COL24A1: variants seen among roughly 807,000 people sequenced by gnomAD.
COL24A1 encodes collagen type XXIV alpha 1 chain.
COL24A1 carries 224 observed loss-of-function variants against 253.9 expected under a neutral mutation model. The ratio of observed to expected loss-of-function variants is 0.88; its 90% CI spans 0.79 to 0.99. COL24A1 has a LOEUF of 0.99. COL24A1 is among the 50% of genes least tolerant of loss of function. COL24A1 has a pLI of 0.00. For synonymous variants in COL24A1, 685 were observed against 673.7 expected (o/e 1.02, Z -0.26); for missense variants, 2,131 against 2,068.5 (o/e 1.03, Z -0.59).
intron 24 of COL24A1, among the ~76,000 whole-genome samples, chr1:85,945,704 T>C (rs1487796550): frequency 6.7e-6 from 1 of 150,066 alleles, no homozygotes; most frequent in Non-Finnish European, 1.5e-5. Flanking sequence ...TTCTGGATTT[T>C]AAGAGTGAGA....
At chr1:86,011,525 A>G (rs1384493848) in intron 19 of COL24A1, among the ~76,000 whole-genome samples, 1 of 152,118 alleles carries the variant, frequency 6.6e-6, no homozygotes, top group Non-Finnish European at 1.5e-5. Flanking sequence ...TGGTACTATA[A>G]AACTTGTGCT....
chr1:86,007,105 C>T (rs1042704709), intron 19 of COL24A1, among the ~76,000 whole-genome samples: 1 of 152,052 alleles, frequency 6.6e-6, no homozygotes, highest in Non-Finnish European at 1.5e-5. Context: ...GTCCTCCCTA[C>T]TCAGGCGGCT....
intron 56 of COL24A1, among the ~76,000 whole-genome samples, 194 bp downstream of exon 56, chr1:85,745,246 CA>C (rs1557967876): frequency 1.3e-5 from 2 of 152,034 alleles, no homozygotes; most frequent in African/African-American, 4.8e-5. Flanking sequence ...GTTTTCCTTA[CA>C]AAACATCCTA....
chr1:85,986,417 C>A (rs1048516960), intron 20 of COL24A1, among the ~76,000 whole-genome samples: 1 of 151,838 alleles, frequency 6.6e-6, no homozygotes, highest in South Asian at 2.1e-4. Flanking sequence ...ATTGAAGATA[C>A]TTTACTACTC....
At position 85,809,064 on chromosome 1, in the gene COL24A1, A is replaced by G. The variant is rs185972236; in HGVS notation, c.3951+7724T>C. On this transcript the variant is annotated intron_variant, in intron 47 of 59. Transcript: ENST00000370571. Reference sequence around the variant, plus strand: ...TGGAGTCAGTCAGAAAGGTATCTCAAAAAACCCAATCTTATGTTCTACAAT... The same window carrying G: ...TGGAGTCAGTCAGAAAGGTATCTCAGAAAACCCAATCTTATGTTCTACAAT... Among the ~76,000 whole-genome samples the G allele has an allele frequency of 1.8e-4, 27 of 152,322 alleles. No homozygotes were observed. In the East Asian group the frequency reaches 3.9e-3, roughly 22 times the overall value.
chr1:85,916,320 T>A (rs1685893123), intron 24 of COL24A1, among the ~76,000 whole-genome samples: 1 of 152,188 alleles, frequency 6.6e-6, no homozygotes, highest in Admixed American at 6.5e-5. Flanking sequence ...TTTTACTTCA[T>A]GTAAGTATTA....
intron 1 of COL24A1, among the ~76,000 whole-genome samples, chr1:86,147,800 A>G (rs527413097): frequency 6.6e-6 from 1 of 152,358 alleles, no homozygotes; most frequent in East Asian, 1.9e-4. Context: ...AATTGATTTT[A>G]CTTTTGCTTA....
chr1:86,044,664 C>T (rs1238337371), intron 12 of COL24A1, among the ~76,000 whole-genome samples: 1 of 152,102 alleles, frequency 6.6e-6, no homozygotes, highest in Non-Finnish European at 1.5e-5. Context: ...TTCTTAAACT[C>T]CTTTTTTAAA....
intron 24 of COL24A1, among the ~76,000 whole-genome samples, chr1:85,937,110 C>T (rs534743908): frequency 2.7e-5 from 4 of 147,546 alleles, no homozygotes; most frequent in Non-Finnish European, 4.5e-5. Context: ...GGATCCCTTA[C>T]GACCAGCTGT....
chr1:85,871,463 T>C (rs1414533633), intron 35 of COL24A1, among the ~76,000 whole-genome samples: 4 of 152,092 alleles, frequency 2.6e-5, no homozygotes, highest in Non-Finnish European at 5.9e-5. Context: ...TACTAGCAAA[T>C]TAAATCCAGC....
chr1:85,854,076 C>A (rs1405105335), intron 37 of COL24A1, among the ~76,000 whole-genome samples: 1 of 152,166 alleles, frequency 6.6e-6, no homozygotes, highest in Non-Finnish European at 1.5e-5. Context: ...AAGTTCTCTT[C>A]TAAGGTTTTT....
intron 19 of COL24A1, among the ~76,000 whole-genome samples, chr1:86,014,902 G>A (rs895652595): frequency 6.6e-6 from 1 of 151,926 alleles, no homozygotes; most frequent in Admixed American, 6.6e-5. Context: ...TCCCCCTGCT[G>A]CTTTGCATAA....
chr1:85,838,536 C>T (rs1289195145), intron 43 of COL24A1, 49 bp downstream of exon 43: 1 of 1,515,494 alleles, frequency 6.6e-7, no homozygotes, highest in Non-Finnish European at 9.2e-7. Context: ...AATAGAAACA[C>T]AGAGAACCCT....
intron 2 of COL24A1, among the ~76,000 whole-genome samples, chr1:86,133,878 G>T (rs951342218): frequency 6.6e-6 from 1 of 152,128 alleles, no homozygotes; most frequent in Admixed American, 6.5e-5. Flanking sequence ...GAGTTAGGGA[G>T]GATTCCCTCT....
intron 5 of COL24A1, among the ~76,000 whole-genome samples, chr1:86,101,969 T>C (rs1399946971): frequency 6.6e-6 from 1 of 152,100 alleles, no homozygotes; most frequent in African/African-American, 2.4e-5. Context: ...ACCAGCTCTT[T>C]TTTGTACATC....
chr1:85,805,583 C>T (rs541974291), intron 47 of COL24A1, among the ~76,000 whole-genome samples: 8 of 152,068 alleles, frequency 5.3e-5, no homozygotes, highest in African/African-American at 1.7e-4. Context: ...CTGCCTTTGT[C>T]GTTATGTGAC....
intron 20 of COL24A1, among the ~76,000 whole-genome samples, chr1:85,982,767 A>G (rs1398213663): frequency 6.6e-6 from 1 of 151,994 alleles, no homozygotes; most frequent in Non-Finnish European, 1.5e-5. Context: ...CAAAAAGAAG[A>G]CCATGTTTTA....
rs1181556918 is a variant in COL24A1, at chr1:85,756,280, G to A, written c.4437+5116C>T. Among the ~76,000 whole-genome samples, 6 of 152,022 alleles carry A rather than the reference G, an allele frequency of 3.9e-5. No individual in the cohort carries two copies. In the East Asian group the frequency reaches 7.8e-4, roughly 20 times the overall value. ...ACTAAAAATACAAAATTAGCCAGGC[G>A]TGGTGGAGGGCACCTGTAATCCCAG... On this transcript the variant is annotated intron_variant, in intron 55 of 59. Transcript: ENST00000370571.
At chr1:85,809,122 T>A (rs1483125603) in intron 47 of COL24A1, among the ~76,000 whole-genome samples, 3 of 152,132 alleles carry the variant, frequency 2.0e-5, no homozygotes, top group Non-Finnish European at 4.4e-5. Flanking sequence ...ACTGGGCAAG[T>A]CGCAAATCTT....
Sources: allele counts gnomAD v4.1 joint callset (sites outside exome capture counted in the v4.1 genomes callset), GRCh38; gene constraint gnomAD v4.1.1; transcripts MANE v1.5; gene names NCBI Gene and HGNC (gene_info 2026-07-23, HGNC 2026-07-21).